Variants in CACNA2D3 observed in about 807,000 individuals in gnomAD.
CACNA2D3 encodes calcium voltage-gated channel auxiliary subunit alpha2delta 3, also known as voltage-dependent calcium channel subunit alpha-2/delta-3.
CACNA2D3 carries 60 observed loss-of-function variants against 160.6 expected under a neutral mutation model. The observed-to-expected ratio is 0.37, with a 90% CI of 0.30 to 0.46. The LOEUF (loss-of-function observed/expected upper bound fraction) is 0.46. Among genes scored for constraint, CACNA2D3 ranks in the 20% least tolerant of loss-of-function variants. The pLI is 1.00. For missense variants in CACNA2D3, 1,205 were observed against 1,365.0 expected (o/e 0.88, Z 1.85); for synonymous variants, 558 against 492.9 (o/e 1.13, Z -1.75).
At chr3:54,408,099 G>A (rs1165216665) in intron 4 of CACNA2D3, among the ~76,000 whole-genome samples, 1 of 152,154 alleles carries the variant, frequency 6.6e-6, no homozygotes, top group African/African-American at 2.4e-5. Context: ...TATTAAAGAT[G>A]TGATGATGTA....
intron 35 of CACNA2D3, among the ~76,000 whole-genome samples, chr3:55,073,058 A>G (rs1174807515): frequency 6.6e-6 from 1 of 152,224 alleles, no homozygotes; most frequent in African/African-American, 2.4e-5. Context: ...AGAAAACGCC[A>G]CTTAGAGGAA....
At position 54,133,563 on chromosome 3, in the gene CACNA2D3, G is replaced by C. The variant is rs72970058; in HGVS notation, c.204+9969G>C. Among the ~76,000 whole-genome samples the C allele has an allele frequency of 3.9e-3, 590 of 152,312 alleles. 3 individuals carry two copies. Among genetic ancestry groups the C allele is most frequent in the African/African-American group, 0.014 (562 of 41,568 alleles). On this transcript the variant is annotated intron_variant, in intron 2 of 37. Coordinates refer to ENST00000474759, the MANE Select transcript of CACNA2D3 (RefSeq NM_018398.3). Reference sequence around the variant, plus strand: ...TGTCCCCGGTGGAATTCTTAGTCTTGTTGCTTGGGCATTGTCATTTGCTTT... The same window carrying C: ...TGTCCCCGGTGGAATTCTTAGTCTTCTTGCTTGGGCATTGTCATTTGCTTT...
At chr3:54,894,871 A>G (rs781017001) in intron 25 of CACNA2D3, 10 of 334,508 alleles carry the variant, frequency 3.0e-5, no homozygotes, top group Non-Finnish European at 6.0e-5. Context: ...GTCTACCAAG[A>G]TGAGCCTGGA....
At chr3:54,203,080 A>C (rs1265605744) in intron 2 of CACNA2D3, among the ~76,000 whole-genome samples, 2 of 152,162 alleles carry the variant, frequency 1.3e-5, no homozygotes, top group African/African-American at 4.8e-5. Context: ...GCCACGTGGT[A>C]CCCAGATAAG....
chr3:54,164,632 T>A (rs1700415840), intron 2 of CACNA2D3, among the ~76,000 whole-genome samples: 1 of 152,200 alleles, frequency 6.6e-6, no homozygotes. Flanking sequence ...AGTCACTGTC[T>A]TTCCAGGCCT....
rs7427630 is a variant in CACNA2D3, at chr3:54,310,979, C to T, written c.205-9463C>T. ...ATCTGGCTAGAGAGTCCCTGGTCCT[C>T]GGCACCATGACAAACTTGAAGCTGG... On this transcript the variant is annotated intron_variant, in intron 2 of 37. Transcript: ENST00000474759. Among the ~76,000 whole-genome samples, 647 of 152,048 alleles carry T rather than the reference C, an allele frequency of 4.3e-3. 3 individuals are homozygous for T. Among genetic ancestry groups the T allele is most frequent in the African/African-American group, 0.015 (623 of 41,470 alleles).
Position 55,009,328 on chromosome 3 carries a change from T to C in CACNA2D3, c.2820-60T>C, listed in dbSNP as rs923723089. The C allele has an allele frequency of 4.3e-6, 6 of 1,392,014 alleles. No individual in the cohort carries two copies. In the African/African-American group the frequency reaches 7.1e-5, roughly 16 times the overall value. The allele number at this position is 1,392,014 out of a possible 1,614,324, so 86.2% of individuals were successfully genotyped here. A position where few individuals can be genotyped will look rare whatever the true frequency, so the allele number is the denominator to read the frequency against. On this transcript the variant is annotated intron_variant, in intron 33 of 37. Transcript: ENST00000474759. ...GATGCCAAAGAATACAGAAAGTCACTGTTCTGTGATATGGGCATGGATGAC... is the reference window on the plus strand; with the variant it reads ...GATGCCAAAGAATACAGAAAGTCACCGTTCTGTGATATGGGCATGGATGAC...
intron 27 of CACNA2D3, among the ~76,000 whole-genome samples, chr3:54,942,264 T>C (rs190118011): frequency 4.9e-4 from 74 of 152,242 alleles, no homozygotes; most frequent in African/African-American, 1.7e-3. Context: ...TGGCTAAGAC[T>C]CACCTTCTGA....
At chr3:55,037,766 A>T (rs777221595) in intron 35 of CACNA2D3, among the ~76,000 whole-genome samples, 1 of 152,192 alleles carries the variant, frequency 6.6e-6, no homozygotes, top group Non-Finnish European at 1.5e-5. Flanking sequence ...CTCTGAAGCA[A>T]TAAGTTTGTT....
In CACNA2D3 at chr3:54,331,294, G is replaced by A. The variant is rs917891849; in HGVS notation, c.321+10736G>A. The stretch of plus-strand genomic sequence containing the variant: ...CTCCATGTCCATAGAAAAGCAATCA[G>A]CATCAGCATGAATGTCTCTATTGGT... On this transcript the variant is annotated intron_variant, in intron 3 of 37. Coordinates refer to ENST00000474759, the MANE Select transcript of CACNA2D3 (RefSeq NM_018398.3). 5.9e-5 allele frequency among the ~76,000 whole-genome samples: 9 copies of A among 152,292 alleles called. No individual in the cohort carries two copies. The South Asian group carries it at 1.9e-3, about 32-fold the overall frequency.
At chr3:54,817,723 G>A (rs915506021) in intron 14 of CACNA2D3, among the ~76,000 whole-genome samples, 1 of 152,184 alleles carries the variant, frequency 6.6e-6, no homozygotes, top group Non-Finnish European at 1.5e-5. Flanking sequence ...TTGAGAGAGA[G>A]CACAACTGCT....
At chr3:54,752,779 A>C (rs1391679127) in intron 12 of CACNA2D3, 102 bp downstream of exon 12, 8 of 810,354 alleles carry the variant, frequency 9.9e-6, no homozygotes, top group Non-Finnish European at 1.7e-5. Flanking sequence ...TTCTAAGATA[A>C]AGTCTGGGTA....
chr3:54,290,963 C>T (rs561251146), intron 2 of CACNA2D3, among the ~76,000 whole-genome samples: 14 of 152,012 alleles, frequency 9.2e-5, no homozygotes, highest in South Asian at 2.1e-4. Context: ...TGCTAAATGA[C>T]GAGTTAATGG....
At chr3:54,187,588 C>T (rs1453903967) in intron 2 of CACNA2D3, among the ~76,000 whole-genome samples, 1 of 151,934 alleles carries the variant, frequency 6.6e-6, no homozygotes, top group Admixed American at 6.6e-5. Flanking sequence ...AAGGGCTTCC[C>T]GGGTGAGCTC....
chr3:54,266,779 G>A (rs1306635847), intron 2 of CACNA2D3, among the ~76,000 whole-genome samples: 1 of 152,178 alleles, frequency 6.6e-6, no homozygotes, highest in Non-Finnish European at 1.5e-5. Context: ...CCAGCTCTTG[G>A]TTACTAGAGA....
chr3:54,539,338 A>G (rs916500307), intron 5 of CACNA2D3, among the ~76,000 whole-genome samples: 3 of 152,174 alleles, frequency 2.0e-5, no homozygotes, highest in African/African-American at 7.2e-5. Context: ...GAGATGTGTT[A>G]TTGAAAGTGC....
At chr3:54,909,643 ATTTTTTTTTTTTT>A (rs759615370) in intron 27 of CACNA2D3, among the ~76,000 whole-genome samples, 1 of 123,856 alleles carries the variant, frequency 8.1e-6, no homozygotes, top group African/African-American at 3.0e-5. Context: ...TTTTTTTGTG[ATTTTTTTTTTTTT>A]TTTTTTTTAG....
chr3:54,964,505 C>A (rs895994063), intron 27 of CACNA2D3, among the ~76,000 whole-genome samples: 23 of 151,932 alleles, frequency 1.5e-4, no homozygotes, highest in African/African-American at 5.3e-4. Flanking sequence ...TGACTTAAAT[C>A]AATATACTGT....
At chr3:54,947,029 A>G (rs75008231) in intron 27 of CACNA2D3, among the ~76,000 whole-genome samples, 2,654 of 152,320 alleles carry the variant, frequency 0.017, 70 homozygotes, top group African/African-American at 0.057. Flanking sequence ...TGGGTCATCA[A>G]TAATCTTTTC....
Sources: gnomAD v4.1 joint callset for allele counts (sites outside exome capture counted in the v4.1 genomes callset) on GRCh38, gnomAD v4.1.1 for gene constraint, MANE v1.5 for transcripts, NCBI Gene and HGNC (gene_info 2026-07-23, HGNC 2026-07-21) for gene names.